Variants in PITPNC1 observed in about 807,000 individuals in gnomAD.
PITPNC1 encodes the protein phosphatidylinositol transfer protein cytoplasmic 1, also known as cytoplasmic phosphatidylinositol transfer protein 1.
Under a neutral mutation model 44.7 loss-of-function variants are expected in PITPNC1, and 18 were observed. The ratio of observed to expected loss-of-function variants is 0.40; its 90% CI spans 0.28 to 0.60. PITPNC1 has a LOEUF of 0.60. Ranked by LOEUF, PITPNC1 falls within the 20% of genes least tolerant of loss-of-function variation. The pLI, the probability that PITPNC1 is intolerant of heterozygous loss-of-function variation, is 0.39. For synonymous variants in PITPNC1, 141 were observed against 149.6 expected, an observed-to-expected ratio of 0.94 and a Z score of 0.42; for missense variants, 290 against 418.4, an observed-to-expected ratio of 0.69 and a Z score of 2.68.
chr17:67,387,453 G>T (rs2038072057), intron 1 of PITPNC1, among the ~76,000 whole-genome samples: 1 of 152,124 alleles, frequency 6.6e-6, no homozygotes, highest in South Asian at 2.1e-4. Context: ...GTCACTTGAG[G>T]TCGGGAGTTT....
intron 1 of PITPNC1, among the ~76,000 whole-genome samples, chr17:67,460,447 A>G (rs1365374827): frequency 6.6e-6 from 1 of 151,510 alleles, no homozygotes; most frequent in East Asian, 1.9e-4. Flanking sequence ...TTTTTGAAAC[A>G]GAGTCTCACT....
At chr17:67,470,290 T>C (rs2039499997) in intron 1 of PITPNC1, among the ~76,000 whole-genome samples, 2 of 152,248 alleles carry the variant, frequency 1.3e-5, no homozygotes, top group South Asian at 2.1e-4. Context: ...TTTTAACATA[T>C]ATATACACAC....
At chr17:67,569,319 G>A (rs897728668) in intron 4 of PITPNC1, among the ~76,000 whole-genome samples, 5 of 152,088 alleles carry the variant, frequency 3.3e-5, no homozygotes, top group Admixed American at 2.6e-4. Context: ...CAGTTCTGCC[G>A]TGCATTTTGC....
rs1191291150 is a variant in PITPNC1 at position 67,675,665 on chromosome 17, T to C, written c.682+123T>C. On this transcript the variant is annotated intron_variant, in intron 8 of 8. Coordinates refer to ENST00000581322, the MANE Select transcript of PITPNC1 (RefSeq NM_012417.4). ...AAAGGCAAGGCCGCTGCTTCCTGTG[T>C]TGGAAATAGCACTGTCTGCCAAGCA... is the stretch of plus-strand genomic sequence containing the variant. 5.6e-6 allele frequency: 4 copies of C among 715,048 alleles called. No individual in the cohort carries two copies. The East Asian group carries it at 9.8e-5, about 18-fold the overall frequency. 44.3% of individuals were successfully genotyped at this position (715,048 alleles called of 1,614,324 possible). A position where few individuals can be genotyped will look rare whatever the true frequency, so the allele number is the denominator to read the frequency against.
intron 1 of PITPNC1, among the ~76,000 whole-genome samples, chr17:67,506,808 G>A (rs542497240): frequency 6.6e-6 from 1 of 152,174 alleles, no homozygotes; most frequent in South Asian, 2.1e-4. Context: ...AATATATTCA[G>A]TTAGAAAAAG....
intron 1 of PITPNC1, among the ~76,000 whole-genome samples, chr17:67,481,067 C>T (rs1212499104): frequency 1.3e-5 from 2 of 152,262 alleles, no homozygotes; most frequent in East Asian, 1.9e-4. Context: ...ATTAGCTGGG[C>T]GCAGTGGTGC....
chr17:67,507,384 G>C lies in PITPNC1; in HGVS notation c.49-25418G>C, dbSNP rs547136715. 2.6e-5 allele frequency among the ~76,000 whole-genome samples: 4 copies of C among 152,150 alleles called. No individual in the cohort carries two copies. In the South Asian group the frequency reaches 8.3e-4, roughly 32 times the overall value. On this transcript the variant is annotated intron_variant, in intron 1 of 8. Coordinates refer to ENST00000581322, the MANE Select transcript of PITPNC1 (RefSeq NM_012417.4). The stretch of plus-strand genomic sequence containing the variant: ...AATCATTAAAGGTTTCAGATTTGCA[G>C]TGAGATTTAGATCTGTCTGGGCACG...
At position 67,692,925 on chromosome 17, in the gene PITPNC1, T is replaced by A. The variant is rs750872640; in HGVS notation, c.*37T>A. ...TATCTCATGGGGTTTTATATTTTCA[T>A]TTGTTGTTGTTGTTTTTTTTTAAGA... On this transcript the variant is annotated 3_prime_UTR_variant, in exon 9 of 9. Transcript: ENST00000581322. 3.0e-5 allele frequency: 39 copies of A among 1,298,540 alleles called. No homozygotes were observed. The highest frequency in any genetic ancestry group is 3.9e-5 in the Non-Finnish European group (36 of 927,264). The allele number at this position is 1,298,540 out of a possible 1,614,324, so 80.4% of individuals were successfully genotyped here.
At chr17:67,446,816 G>A (rs2039102814) in intron 1 of PITPNC1, among the ~76,000 whole-genome samples, 3 of 151,816 alleles carry the variant, frequency 2.0e-5, no homozygotes, top group Admixed American at 2.0e-4. Context: ...TTGGCCAGGC[G>A]TGGTGGCTCA....
intron 4 of PITPNC1, among the ~76,000 whole-genome samples, chr17:67,574,135 T>C (rs745399933): frequency 1.3e-5 from 2 of 152,174 alleles, no homozygotes; most frequent in Non-Finnish European, 2.9e-5. Context: ...TGTGATCTCA[T>C]TGATCTTCTG....
At chr17:67,492,038 C>T (rs893034350) in intron 1 of PITPNC1, among the ~76,000 whole-genome samples, 16 of 150,430 alleles carry the variant, frequency 1.1e-4, no homozygotes, top group African/African-American at 3.9e-4. Context: ...TGCAAGATGC[C>T]TTATGGTGAA....
At chr17:67,675,949 G>A (rs925925541) in intron 8 of PITPNC1, among the ~76,000 whole-genome samples, 1 of 152,230 alleles carries the variant, frequency 6.6e-6, no homozygotes, top group African/African-American at 2.4e-5. Flanking sequence ...GCTCACGCCT[G>A]TAATCCCAGC....
At chr17:67,550,094 T>C (rs1368698115) in intron 2 of PITPNC1, among the ~76,000 whole-genome samples, 1 of 152,174 alleles carries the variant, frequency 6.6e-6, no homozygotes, top group African/African-American at 2.4e-5. Flanking sequence ...GAATACATCA[T>C]CAGCGAAAGC....
At chr17:67,595,766 T>C (rs1158049376) in intron 5 of PITPNC1, among the ~76,000 whole-genome samples, 1 of 152,214 alleles carries the variant, frequency 6.6e-6, no homozygotes, top group African/African-American at 2.4e-5. Flanking sequence ...CTGTTTATAT[T>C]CCATCAGATT....
At chr17:67,651,700 C>T (rs1023295855) in intron 6 of PITPNC1, among the ~76,000 whole-genome samples, 1 of 152,178 alleles carries the variant, frequency 6.6e-6, no homozygotes, top group African/African-American at 2.4e-5. Context: ...TCCCTACCCT[C>T]TCCCCTCACC....
chr17:67,411,510 A>G (rs1313130163), intron 1 of PITPNC1, among the ~76,000 whole-genome samples: 1 of 152,096 alleles, frequency 6.6e-6, no homozygotes, highest in Non-Finnish European at 1.5e-5. Context: ...GCTGGGGCCC[A>G]GGGACAGAAT....
intron 1 of PITPNC1, among the ~76,000 whole-genome samples, chr17:67,517,513 A>G (rs2040274061): frequency 1.3e-5 from 2 of 152,258 alleles, no homozygotes; most frequent in South Asian, 4.1e-4. Context: ...AAACCACCCA[A>G]ATGTCCATCA....
In PITPNC1 at chr17:67,692,777, GAA is replaced by G; in HGVS notation, c.892_893del (p.Lys298ValfsTer12). ...FLSVPKDRPR[K>X]KSAPETLTLP... ...TGTCCGTTCCCAAAGATCGGCCCCG[GAA>G]AAAGTCTGCCCCAGAAACTCTCACA... On this transcript the variant is annotated frameshift_variant, in exon 9 of 9. Transcript: ENST00000581322. LOFTEE classifies it high-confidence loss of function. The G allele has an allele frequency of 1.9e-6, 3 of 1,613,762 alleles. No homozygotes were observed. Among genetic ancestry groups the G allele is most frequent in the Non-Finnish European group, 2.5e-6 (3 of 1,179,808 alleles).
chr17:67,383,430 C>T (rs2037993821), intron 1 of PITPNC1, among the ~76,000 whole-genome samples: 1 of 152,192 alleles, frequency 6.6e-6, no homozygotes, highest in South Asian at 2.1e-4. Context: ...ATGTGTAAAG[C>T]AGGTACACTG....
Sources: gnomAD v4.1 joint callset for allele counts (sites outside exome capture counted in the v4.1 genomes callset) on GRCh38, gnomAD v4.1.1 for gene constraint, MANE v1.5 for transcripts, NCBI Gene and HGNC (gene_info 2026-07-23, HGNC 2026-07-21) for gene names.